Variants in NOPCHAP1 observed in about 807,000 individuals in gnomAD.
The protein encoded by NOPCHAP1 is DNA damage-sensitive RNA 1.
Under a neutral mutation model 14.0 loss-of-function variants are expected in NOPCHAP1, and 13 were observed. That is an observed-to-expected ratio of 0.93 (90% CI 0.60 to 1.47). The LOEUF (loss-of-function observed/expected upper bound fraction) is 1.47. NOPCHAP1 is among the 40% of genes most tolerant of loss of function. The pLI is 0.00. For synonymous variants in NOPCHAP1, 78 were observed against 78.4 expected, an observed-to-expected ratio of 1.00 and a Z score of 0.03; for missense variants, 230 against 226.9, an observed-to-expected ratio of 1.01 and a Z score of -0.09.
chr12:104,994,764 C>T lies in NOPCHAP1; in HGVS notation c.*68C>T. On this transcript the variant is annotated 3_prime_UTR_variant, in exon 4 of 4. Transcript: ENST00000552951. ...AAATTCTGTGAAAAAGAATGTGATT[C>T]ACGGGTTCTTTTGCTTTTCAGGCAC... The T allele has an allele frequency of 7.1e-7, 1 of 1,398,790 alleles. No homozygotes were observed. The allele number at this position is 1,398,790 out of a possible 1,614,324, so 86.6% of individuals were successfully genotyped here.
intron 3 of NOPCHAP1, among the ~76,000 whole-genome samples, chr12:104,992,078 A>G (rs1394549374): frequency 6.6e-6 from 1 of 152,190 alleles, no homozygotes; most frequent in Non-Finnish European, 1.5e-5. Context: ...TGAAGCATTA[A>G]TTTACTCGAT....
chr12:105,001,749 A>G lies in NOPCHAP1; in HGVS notation c.*7053A>G, dbSNP rs931842823. The G allele has an allele frequency of 1.3e-5, 2 of 152,194 alleles. No individual in the cohort carries two copies. The highest frequency in any genetic ancestry group is 4.8e-5 in the African/African-American group (2 of 41,454). 9.4% of individuals were successfully genotyped at this position (152,194 alleles called of 1,614,324 possible). On this transcript the variant is annotated 3_prime_UTR_variant, in exon 4 of 4. Coordinates refer to ENST00000552951, the MANE Select transcript of NOPCHAP1 (RefSeq NM_152318.3). The stretch of plus-strand genomic sequence containing the variant: ...ACCCTACCACAGAAATAATGTTTCC[A>G]CAGAGTAAACATTTTTACTCTGAGG...
rs1873225311 is a variant in NOPCHAP1 at position 104,986,323 on chromosome 12, C to G, written c.-30C>G. Reference sequence around the variant, plus strand: ...CTTACCCGAGCCTTTTTCCTGCATCCGGGCCTGAGAGTGCAGGCTTGAGGG... The same window carrying G: ...CTTACCCGAGCCTTTTTCCTGCATCGGGGCCTGAGAGTGCAGGCTTGAGGG... On this transcript the variant is annotated 5_prime_UTR_variant, in exon 1 of 4. Coordinates refer to ENST00000552951, the MANE Select transcript of NOPCHAP1 (RefSeq NM_152318.3). 1 of 1,571,720 alleles carries G rather than the reference C, an allele frequency of 6.4e-7. No individual in the cohort carries two copies. The highest frequency in any genetic ancestry group is 1.4e-5 in the African/African-American group (1 of 73,786).
At chr12:104,990,646 T>C (rs901831761) in intron 2 of NOPCHAP1, among the ~76,000 whole-genome samples, 3 of 152,230 alleles carry the variant, frequency 2.0e-5, no homozygotes, top group Non-Finnish European at 4.4e-5. Flanking sequence ...TGCGTGGTTA[T>C]GTGCTGGGCC....
At chr12:104,987,232 G>T (rs1162291070) in intron 1 of NOPCHAP1, among the ~76,000 whole-genome samples, 1 of 152,194 alleles carries the variant, frequency 6.6e-6, no homozygotes, top group Admixed American at 6.5e-5. Context: ...AGCTTATGTA[G>T]TCCTTACTAT....
rs1873660034 is a variant in NOPCHAP1, at chr12:105,003,934, A to G, written c.*9238A>G. The stretch of plus-strand genomic sequence containing the variant: ...TCTGGCTTAAACCTAGCTATTCGTT[A>G]CAAAAGTATTCTGCTAAGTTAGGTT... On this transcript the variant is annotated 3_prime_UTR_variant, in exon 4 of 4. Coordinates refer to ENST00000552951, the MANE Select transcript of NOPCHAP1 (RefSeq NM_152318.3). 1 of 152,214 alleles carries G rather than the reference A, an allele frequency of 6.6e-6. No homozygotes were observed. The highest frequency in any genetic ancestry group is 2.4e-5 in the African/African-American group (1 of 41,458). The allele number at this position is 152,214 out of a possible 1,614,324, so 9.4% of individuals were successfully genotyped here.
At chr12:104,990,608 G>A (rs1397366901) in intron 2 of NOPCHAP1, among the ~76,000 whole-genome samples, 1 of 152,148 alleles carries the variant, frequency 6.6e-6, no homozygotes, top group Non-Finnish European at 1.5e-5. Context: ...AGCCATAGCA[G>A]TTACATAAGT....
intron 2 of NOPCHAP1, among the ~76,000 whole-genome samples, chr12:104,988,634 C>G (rs951480824): frequency 6.6e-6 from 1 of 152,142 alleles, no homozygotes; most frequent in South Asian, 2.1e-4. Context: ...TAGAATACAG[C>G]ATAATGGCCA....
intron 3 of NOPCHAP1, among the ~76,000 whole-genome samples, chr12:104,994,111 A>G (rs1023104275): frequency 1.3e-4 from 20 of 152,184 alleles, no homozygotes; most frequent in Admixed American, 1.3e-3. Context: ...TTGGGAGGGC[A>G]AGGTGGGTGG....
At chr12:104,993,658 T>C (rs1420849515) in intron 3 of NOPCHAP1, among the ~76,000 whole-genome samples, 1 of 152,238 alleles carries the variant, frequency 6.6e-6, no homozygotes, top group Non-Finnish European at 1.5e-5. Flanking sequence ...GAATTTCATA[T>C]AATTTTCACC....
rs975902333 is a variant in NOPCHAP1 at position 104,986,521 on chromosome 12, G to T, written c.115+54G>T. On this transcript the variant is annotated intron_variant, in intron 1 of 3. Coordinates refer to ENST00000552951, the MANE Select transcript of NOPCHAP1 (RefSeq NM_152318.3). ...CGCACACGTGCGGCAGAGGAGGCGC[G>T]GCCGGTGCAGTTTGGGAGCCGGCCG... 7.4e-5 allele frequency: 107 copies of T among 1,454,196 alleles called. 2 individuals are homozygous for T. The South Asian group carries it at 8.0e-4, about 11-fold the overall frequency. The allele number at this position is 1,454,196 out of a possible 1,614,324, so 90.1% of individuals were successfully genotyped here. A position where few individuals can be genotyped will look rare whatever the true frequency, so the allele number is the denominator to read the frequency against.
intron 3 of NOPCHAP1, among the ~76,000 whole-genome samples, chr12:104,993,498 C>T (rs963061669): frequency 1.3e-5 from 2 of 152,156 alleles, no homozygotes; most frequent in Admixed American, 1.3e-4. Flanking sequence ...GCTCTTCCCC[C>T]AGCTGTGGTA....
rs965600722 is a variant in NOPCHAP1, at chr12:105,015,942, C to T, written c.*21246C>T. 6.7e-6 allele frequency: 1 copy of T among 149,372 alleles called. No homozygotes were observed. The highest frequency in any genetic ancestry group is 2.5e-5 in the African/African-American group (1 of 40,744). 9.3% of individuals were successfully genotyped at this position (149,372 alleles called of 1,614,324 possible). ...GTAAAAAAAGAAATTATAAGAGTTC[C>T]ATACCGAAATGCAGGTTTATATTTA... On this transcript the variant is annotated 3_prime_UTR_variant, in exon 4 of 4. Coordinates refer to ENST00000552951, the MANE Select transcript of NOPCHAP1 (RefSeq NM_152318.3).
rs1381335417 is a variant in NOPCHAP1, at chr12:105,005,585, G to A, written c.*10889G>A. On this transcript the variant is annotated 3_prime_UTR_variant, in exon 4 of 4. Coordinates refer to ENST00000552951, the MANE Select transcript of NOPCHAP1 (RefSeq NM_152318.3). ...ACCAGTCTGATTGGTTGCAGGAGGG[G>A]ACCAGAAGTACTTGCCATTTTTCAT... 3 of 152,256 alleles carry A rather than the reference G, an allele frequency of 2.0e-5. No homozygotes were observed. Among genetic ancestry groups the A allele is most frequent in the Non-Finnish European group, 2.9e-5 (2 of 68,070 alleles). The allele number at this position is 152,256 out of a possible 1,614,324, so 9.4% of individuals were successfully genotyped here.
In NOPCHAP1 at chr12:105,011,313, T is replaced by C. The variant is rs1049699211; in HGVS notation, c.*16617T>C. 1 of 152,166 alleles carries C rather than the reference T, an allele frequency of 6.6e-6. No homozygotes were observed. The highest frequency in any genetic ancestry group is 2.4e-5 in the African/African-American group (1 of 41,432). 9.4% of individuals were successfully genotyped at this position (152,166 alleles called of 1,614,324 possible). A position where few individuals can be genotyped will look rare whatever the true frequency, so the allele number is the denominator to read the frequency against. On this transcript the variant is annotated 3_prime_UTR_variant, in exon 4 of 4. Coordinates refer to ENST00000552951, the MANE Select transcript of NOPCHAP1 (RefSeq NM_152318.3). ...AGGATTGCAACCCCTGCTTTTTTTT[T>C]GCTTTCCATTTGCTTGGTAAATATT... is the stretch of plus-strand genomic sequence containing the variant.
In NOPCHAP1 at chr12:104,988,209, G is replaced by C. The variant is rs1348793939; in HGVS notation, c.158G>C (p.Arg53Thr). 6.2e-7 allele frequency: 1 copy of C among 1,613,252 alleles called. No homozygotes were observed. The highest frequency in any genetic ancestry group is 8.5e-7 in the Non-Finnish European group (1 of 1,179,544). ...CTCATCAACTCCCAACCTAAGTCCA[G>C]AAAGACCTCCACTCTTCAAACAGTT... ...RLLINSQPKSRKTSTLQTVRI... is the reference protein window; with the variant it reads ...RLLINSQPKSTKTSTLQTVRI... Residue 53 changes from arginine to threonine, a missense_variant, in exon 2 of 4, where the codon AGA (arginine) becomes ACA (threonine). Coordinates refer to ENST00000552951, the MANE Select transcript of NOPCHAP1 (RefSeq NM_152318.3).
rs1369508432 is a variant in NOPCHAP1 at position 105,008,656 on chromosome 12, T to C, written c.*13960T>C. On this transcript the variant is annotated 3_prime_UTR_variant, in exon 4 of 4. Coordinates refer to ENST00000552951, the MANE Select transcript of NOPCHAP1 (RefSeq NM_152318.3). ...CTTTAATCCATCGTGAGTTAATTTTTGTATAAGGTGTAAGAAAGGGGTCCA... is the reference window on the plus strand; with the variant it reads ...CTTTAATCCATCGTGAGTTAATTTTCGTATAAGGTGTAAGAAAGGGGTCCA... 3 of 152,244 alleles carry C rather than the reference T, an allele frequency of 2.0e-5. No homozygotes were observed. The highest frequency in any genetic ancestry group is 6.5e-5 in the Admixed American group (1 of 15,290). 9.4% of individuals were successfully genotyped at this position (152,244 alleles called of 1,614,324 possible). A position where few individuals can be genotyped will look rare whatever the true frequency, so the allele number is the denominator to read the frequency against.
At chr12:104,990,159 A>G (rs1873340961) in intron 2 of NOPCHAP1, among the ~76,000 whole-genome samples, 1 of 152,026 alleles carries the variant, frequency 6.6e-6, no homozygotes, top group African/African-American at 2.4e-5. Context: ...TTTGAATATT[A>G]TGGTGTTGTG....
chr12:105,015,847 A>G lies in NOPCHAP1; in HGVS notation c.*21151A>G, dbSNP rs1418500552. On this transcript the variant is annotated 3_prime_UTR_variant, in exon 4 of 4. Transcript: ENST00000552951. ...AAATAATGTCAGAACCAGCTATTTC[A>G]AACAAGATTAGATTCTCTAGCCTCA... is the stretch of plus-strand genomic sequence containing the variant. The G allele has an allele frequency of 2.0e-5, 3 of 152,222 alleles. No homozygotes were observed. The highest frequency in any genetic ancestry group is 4.8e-5 in the African/African-American group (2 of 41,452). The allele number at this position is 152,222 out of a possible 1,614,324, so 9.4% of individuals were successfully genotyped here.
Sources: gnomAD v4.1 joint callset for allele counts (sites outside exome capture counted in the v4.1 genomes callset) on GRCh38, gnomAD v4.1.1 for gene constraint, MANE v1.5 for transcripts, NCBI Gene and HGNC (gene_info 2026-07-23, HGNC 2026-07-21) for gene names.